Variants in MYO16 observed in about 807,000 individuals in gnomAD.
MYO16 encodes myosin XVI, also known as unconventional myosin-XVI.
A neutral mutation model predicts 205.3 loss-of-function variants in MYO16; 94 were observed. That is an observed-to-expected ratio of 0.46 (90% CI 0.39 to 0.54). The LOEUF (loss-of-function observed/expected upper bound fraction) is 0.54. Ranked by LOEUF, MYO16 falls within the 20% of genes least tolerant of loss-of-function variation. The probability of loss-of-function intolerance (pLI) is 0.00; values close to 1 mark genes in which losing one functional copy is unlikely to be tolerated. For missense variants in MYO16, 2,315 were observed against 2,387.5 expected (o/e 0.97, Z 0.63); for synonymous variants, 988 against 954.0 (o/e 1.04, Z -0.66).
chr13:109,073,760 T>G (rs1363518838), intron 27 of MYO16, among the ~76,000 whole-genome samples: 1 of 152,236 alleles, frequency 6.6e-6, no homozygotes, highest in African/African-American at 2.4e-5. Context: ...GTTAAATATA[T>G]TCATAACTGT....
At chr13:109,019,134 A>T (rs1332258670) in intron 22 of MYO16, among the ~76,000 whole-genome samples, 1 of 151,438 alleles carries the variant, frequency 6.6e-6, no homozygotes, top group Non-Finnish European at 1.5e-5. Context: ...ATGCCCAGCT[A>T]ATTTCTGTAT....
At chr13:108,833,905 G>A (rs909117422) in intron 9 of MYO16, among the ~76,000 whole-genome samples, 2 of 151,634 alleles carry the variant, frequency 1.3e-5, no homozygotes, top group African/African-American at 4.8e-5. Flanking sequence ...AATGTTTATG[G>A]GATCTGTCTT....
At chr13:108,607,383 G>A (rs1197491258) in intron 1 of MYO16, among the ~76,000 whole-genome samples, 1 of 152,146 alleles carries the variant, frequency 6.6e-6, no homozygotes, top group African/African-American at 2.4e-5. Flanking sequence ...CCATGTGGGA[G>A]GTGATTAGAT....
intron 27 of MYO16, 27 bp from the exon 28 acceptor site, chr13:109,100,758 G>T: frequency 6.4e-7 from 1 of 1,563,884 alleles, no homozygotes; most frequent in Non-Finnish European, 8.8e-7. Flanking sequence ...TGCAGTCATT[G>T]CTTTCTGTCT....
the MYO16 span, among the ~76,000 whole-genome samples, chr13:108,502,451 G>A: frequency 6.6e-6 from 1 of 152,166 alleles, no homozygotes. Flanking sequence ...GCTTGAAGAT[G>A]TAGAAAACAG....
chr13:109,029,014 T>TAGAG (rs1886459657), intron 23 of MYO16, among the ~76,000 whole-genome samples: 1 of 151,874 alleles, frequency 6.6e-6, no homozygotes, highest in Non-Finnish European at 1.5e-5. Flanking sequence ...GGTCCCCGAG[T>TAGAG]AGAGATCTTT....
At chr13:108,962,370 C>G (rs1883621918) in intron 18 of MYO16, 54 bp from the exon 19 acceptor site, 2 of 1,403,484 alleles carry the variant, frequency 1.4e-6, no homozygotes, top group Middle Eastern at 1.8e-4. Flanking sequence ...ATTCAATGTT[C>G]TTGGTATCAA....
chr13:108,636,363 TTTTTTTTGTGTGTG>T (rs1202981998), intron 1 of MYO16, among the ~76,000 whole-genome samples: 10 of 77,506 alleles, frequency 1.3e-4, no homozygotes, highest in African/African-American at 3.3e-4. Flanking sequence ...TTTTTTTTTT[TTTTTTTTGTGTGTG>T]TGTGTGTGTG....
At chr13:109,079,967 C>T (rs1338596850) in intron 27 of MYO16, among the ~76,000 whole-genome samples, 1 of 150,880 alleles carries the variant, frequency 6.6e-6, no homozygotes, top group African/African-American at 2.4e-5. Context: ...CCTCCACCTC[C>T]CGGGTTCAAG....
intron 14 of MYO16, among the ~76,000 whole-genome samples, chr13:108,896,761 G>T (rs1880433440): frequency 6.6e-6 from 1 of 152,096 alleles, no homozygotes; most frequent in African/African-American, 2.4e-5. Context: ...CTGAGGTCAG[G>T]AGTTTGAGAC....
intron 5 of MYO16, among the ~76,000 whole-genome samples, chr13:108,791,162 T>C (rs1470709841): frequency 2.6e-5 from 4 of 152,202 alleles, no homozygotes; most frequent in Admixed American, 6.5e-5. Flanking sequence ...AATGACTCTA[T>C]AAGGGAAATG....
In MYO16 at chr13:109,162,420, T is replaced by C. The variant is rs644335; in HGVS notation, c.5165-2481T>C. 1 allele frequency among the ~76,000 whole-genome samples: 152,288 copies of C among 152,296 alleles called. 76,140 individuals carry two copies. The highest frequency in any genetic ancestry group is 1 in the Non-Finnish European group (68,038 of 68,038). On this transcript the variant is annotated intron_variant, in intron 32 of 34. Transcript: ENST00000457511. The surrounding 1 kb of genome is among the most constrained non-coding windows in gnomAD (Gnocchi z 4.6). ...GGCCCTGACTCATTAGTACCTGGTT[T>C]CTTGAACATGGTGAGCTCTTTCCTG... is the stretch of plus-strand genomic sequence containing the variant.
Position 108,957,690 on chromosome 13 carries a change from A to G in MYO16, c.1928A>G (p.Tyr643Cys), listed in dbSNP as rs768488706. The G allele has an allele frequency of 6.2e-7, 1 of 1,607,586 alleles. No homozygotes were observed. Among genetic ancestry groups the G allele is most frequent in the Non-Finnish European group, 8.5e-7 (1 of 1,174,676 alleles). ...LHLNNLCAHRYLNQTIQDDAS... is the reference protein window; with the variant it reads ...LHLNNLCAHRCLNQTIQDDAS... The stretch of plus-strand genomic sequence containing the variant: ...TTACGTGCCTTGTCTCCTAACAGGT[A>G]TTTGAACCAGACCATACAGGATGAT... The change falls in exon 17 of 35, where the codon TAT becomes TGT. Residue 643 changes from tyrosine (Y) to cysteine (C), a missense_variant and splice_region_variant. This residue lies in a region of MYO16 where 1,213 missense variants were observed against 1,274.4 expected (regional missense o/e 0.95). Coordinates refer to ENST00000457511, the MANE Select transcript of MYO16 (RefSeq NM_001198950.3).
At chr13:108,918,190 T>C (rs931138728) in intron 16 of MYO16, among the ~76,000 whole-genome samples, 28 of 152,222 alleles carry the variant, frequency 1.8e-4, no homozygotes, top group African/African-American at 6.5e-4. Context: ...TTTTCATATT[T>C]TGGATGATAG....
chr13:109,029,622 T>G (rs1020368799), intron 23 of MYO16, among the ~76,000 whole-genome samples: 1 of 152,172 alleles, frequency 6.6e-6, no homozygotes, highest in African/African-American at 2.4e-5. Flanking sequence ...ATCAAATCAG[T>G]CTGGTCTAAG....
the MYO16 span, among the ~76,000 whole-genome samples, chr13:108,530,193 G>A: frequency 6.6e-6 from 1 of 152,198 alleles, no homozygotes; most frequent in South Asian, 2.1e-4. Context: ...GGGAAATCTA[G>A]AGAGAGAAGA....
At chr13:108,793,832 G>T (rs373353927) in intron 6 of MYO16, among the ~76,000 whole-genome samples, 192 bp downstream of exon 6, 1 of 152,250 alleles carries the variant, frequency 6.6e-6, no homozygotes, top group South Asian at 2.1e-4. Context: ...CCATTATTGG[G>T]TGTCTACCCA....
the MYO16 span, among the ~76,000 whole-genome samples, chr13:108,538,783 G>A: frequency 6.6e-6 from 1 of 151,964 alleles, no homozygotes; most frequent in East Asian, 1.9e-4. Flanking sequence ...AAATCTTTTT[G>A]TGGAATGAAC....
At chr13:108,977,569 C>T (rs768560675) in intron 20 of MYO16, among the ~76,000 whole-genome samples, 1 of 151,974 alleles carries the variant, frequency 6.6e-6, no homozygotes, top group East Asian at 1.9e-4. Context: ...CTGTTCCTAC[C>T]GCAAGGTCAT....
Sources: allele counts gnomAD v4.1 joint callset (sites outside exome capture counted in the v4.1 genomes callset), GRCh38; gene constraint gnomAD v4.1.1; regional missense constraint gnomAD v4.1.1; non-coding constraint Gnocchi (gnomAD v3.1); transcripts MANE v1.5; gene names NCBI Gene and HGNC (gene_info 2026-07-23, HGNC 2026-07-21).